Variants in ITGAX observed in about 807,000 individuals in gnomAD.
ITGAX encodes integrin alpha-X.
Under a neutral mutation model 140.2 loss-of-function variants are expected in ITGAX, and 99 were observed. The ratio of observed to expected loss-of-function variants is 0.71; its 90% CI spans 0.60 to 0.83. The LOEUF (loss-of-function observed/expected upper bound fraction) is 0.83, where lower values mean the gene tolerates loss of function less well. ITGAX is among the 40% of genes least tolerant of loss of function. The probability of loss-of-function intolerance (pLI) is 0.00; values close to 1 mark genes in which losing one functional copy is unlikely to be tolerated. For synonymous variants in ITGAX, 631 were observed against 600.4 expected (o/e 1.05, Z -0.75); for missense variants, 1,444 against 1,482.0 (o/e 0.97, Z 0.42).
At chr16:31,363,494 C>G in intron 14 of ITGAX, 120 bp downstream of exon 14, 1 of 1,134,522 alleles carries the variant, frequency 8.8e-7, no homozygotes, top group Admixed American at 2.0e-5. Context: ...CTCTGAGCAC[C>G]TTGTAGCAGT....
intron 9 of ITGAX, chr16:31,361,415 C>T: frequency 1.4e-6 from 1 of 701,924 alleles, no homozygotes. Context: ...CCAGGGATGG[C>T]CCTGCTCCCC....
chr16:31,377,356 GGTGAGA>G, intron 23 of ITGAX, 91 bp downstream of exon 23: 1 of 1,001,582 alleles, frequency 1.0e-6, no homozygotes, highest in Non-Finnish European at 1.5e-6. Flanking sequence ...TGCCACAGAG[GGTGAGA>G]TAAGGTGTTT....
rs1301657192 is a variant in ITGAX at position 31,382,533 on chromosome 16, C to T, written c.*626C>T. On this transcript the variant is annotated 3_prime_UTR_variant, in exon 30 of 30. Transcript: ENST00000268296. ...TCGCGTGAGAAGTCCCCTTCCATCC[C>T]AGAGGGTGGGCTTCAGGGCGCACAG... 3 of 1,210,372 alleles carry T rather than the reference C, an allele frequency of 2.5e-6. No homozygotes were observed. The highest frequency in any genetic ancestry group is 3.5e-6 in the Non-Finnish European group (3 of 849,522). The allele number at this position is 1,210,372 out of a possible 1,614,324, so 75.0% of individuals were successfully genotyped here.
At chr16:31,365,116 A>G (rs926565077) in intron 14 of ITGAX, among the ~76,000 whole-genome samples, 3 of 152,224 alleles carry the variant, frequency 2.0e-5, no homozygotes, top group African/African-American at 7.2e-5. Context: ...CAAACACAGA[A>G]GGCCACATGT....
intron 20 of ITGAX, 56 bp downstream of exon 20, chr16:31,373,446 G>A (rs563101471): frequency 7.8e-6 from 12 of 1,545,294 alleles, no homozygotes; most frequent in East Asian, 2.4e-5. Context: ...GTAGATTCCC[G>A]TGCGGTTCAG....
intron 29 of ITGAX, 89 bp downstream of exon 29, chr16:31,381,096 C>A: frequency 2.0e-6 from 2 of 982,810 alleles, no homozygotes; most frequent in Non-Finnish European, 3.2e-6. Flanking sequence ...AAGGCAGAGG[C>A]ACATTCTTAC....
At chr16:31,356,490 A>C in intron 2 of ITGAX, 135 bp from the exon 3 acceptor site, 3 of 622,242 alleles carry the variant, frequency 4.8e-6, no homozygotes, top group Non-Finnish European at 8.8e-6. Flanking sequence ...TCCCTTCCAC[A>C]TGGACTTTAA....
In ITGAX at chr16:31,356,149, G is replaced by T. The variant is rs1175410929; in HGVS notation, c.143+151G>T. 6.8e-6 allele frequency: 4 copies of T among 585,014 alleles called. 1 individual carries two copies. The East Asian group carries it at 1.2e-4, about 17-fold the overall frequency. 36.2% of individuals were successfully genotyped at this position (585,014 alleles called of 1,614,324 possible). On this transcript the variant is annotated intron_variant, in intron 2 of 29. Coordinates refer to ENST00000268296, the MANE Select transcript of ITGAX (RefSeq NM_000887.5). ...TAATGAAGATTTGCCTTGAAGGCAG[G>T]CACGGTCTCACAGCTAACATTTACA... is the stretch of plus-strand genomic sequence containing the variant.
In ITGAX at chr16:31,355,882, C is replaced by G. The variant is rs1325575988; in HGVS notation, c.38-11C>G. 6.2e-7 allele frequency: 1 copy of G among 1,606,234 alleles called. No homozygotes were observed. Among genetic ancestry groups the G allele is most frequent in the South Asian group, 1.1e-5 (1 of 90,758 alleles). On this transcript the variant is annotated splice_polypyrimidine_tract_variant and intron_variant, in intron 1 of 29. Coordinates refer to ENST00000268296, the MANE Select transcript of ITGAX (RefSeq NM_000887.5). ...CCCTTCTCCAAAGCTCTCTTCCCACCTCTTTCCCAGCCTTAGCAACTTCTC... is the reference window on the plus strand; with the variant it reads ...CCCTTCTCCAAAGCTCTCTTCCCACGTCTTTCCCAGCCTTAGCAACTTCTC...
intron 8 of ITGAX, 39 bp downstream of exon 8, chr16:31,360,502 C>G (rs752082291): frequency 6.4e-7 from 1 of 1,556,218 alleles, no homozygotes; most frequent in South Asian, 1.2e-5. Context: ...CCCACGGCTT[C>G]CTCTCAGGGC....
intron 19 of ITGAX, 133 bp from the exon 20 acceptor site, chr16:31,373,101 AAAGAAGAAGAAGAAG>A (rs146920512): frequency 6.3e-6 from 3 of 479,808 alleles, no homozygotes; most frequent in South Asian, 2.4e-5. Flanking sequence ...TCTTAAAAAA[AAAGAAGAAGAAGAAG>A]AAGAAGAAGA....
At chr16:31,377,545 C>T (rs1055414477) in intron 23 of ITGAX, among the ~76,000 whole-genome samples, 3 of 152,184 alleles carry the variant, frequency 2.0e-5, no homozygotes, top group Admixed American at 1.3e-4. Context: ...TGAACCCTCG[C>T]CCTTGTGGGG....
Position 31,377,006 on chromosome 16 carries a change from T to A in ITGAX, c.2632T>A (p.Phe878Ile). The change falls in exon 22 of 30, where the codon TTC becomes ATC. Residue 878 changes from phenylalanine to isoleucine, a missense_variant. By Grantham distance (21) the Phe-to-Ile change is conservative. Transcript: ENST00000268296. ...CTCAGTTCCTTTTCCTCAGATCACC[T>A]TCTTGGCTACCTTTGACGTCTCCCC... Reference protein sequence around the residue: ...LIFRGGAQITFLATFDVSPKA... With the variant: ...LIFRGGAQITILATFDVSPKA... 1 of 1,614,202 alleles carries A rather than the reference T, an allele frequency of 6.2e-7. No homozygotes were observed. The highest frequency in any genetic ancestry group is 1.1e-5 in the South Asian group (1 of 91,086).
intron 17 of ITGAX, among the ~76,000 whole-genome samples, chr16:31,372,158 G>T (rs2080971474): frequency 6.8e-6 from 1 of 147,904 alleles, no homozygotes; most frequent in African/African-American, 2.5e-5. Flanking sequence ...TTGCTGATCG[G>T]GAGGTCTGGG....
chr16:31,376,961 T>C, intron 21 of ITGAX, 39 bp from the exon 22 acceptor site: 1 of 1,613,668 alleles, frequency 6.2e-7, no homozygotes, highest in South Asian at 1.1e-5. Context: ...CCCCACCCTG[T>C]CTTTACTGCT....
chr16:31,355,347 G>T (rs2080747541), intron 1 of ITGAX, 56 bp downstream of exon 1: 2 of 1,593,202 alleles, frequency 1.3e-6, no homozygotes, highest in African/African-American at 1.3e-5. Flanking sequence ...GGGAGCCAGG[G>T]CCCTGAACTG....
Position 31,372,512 on chromosome 16 carries a change from G to T in ITGAX, c.2292+3G>T. 1 of 1,610,314 alleles carries T rather than the reference G, an allele frequency of 6.2e-7. No individual in the cohort carries two copies. Among genetic ancestry groups the T allele is most frequent in the Non-Finnish European group, 8.5e-7 (1 of 1,178,964 alleles). ...CTCAGAGATACTTCACGGCCTCCGT[G>T]AGTCCTGGCACTGGGTCTCCCAGAG... On this transcript the variant is annotated splice_donor_region_variant and intron_variant, in intron 18 of 29. Transcript: ENST00000268296.
rs778567830 is a variant in ITGAX, at chr16:31,372,393, T to A, written c.2176T>A (p.Ser726Thr). Residue 726 changes from serine (S) to threonine (T), a missense_variant, in exon 18 of 30, where the codon TCT (serine) becomes ACT (threonine). Physicochemically the swap from Ser to Thr is moderately conservative, Grantham distance 58. Transcript: ENST00000268296. ...NLLLPSCVED[S>T]VTPITLRLNF... ...CGTCCCCCAGAGCTGCGTGGAGGAC[T>A]CTGTGACCCCCATTACCTTGCGTCT... The A allele has an allele frequency of 6.2e-7, 1 of 1,606,702 alleles. No homozygotes were observed. The highest frequency in any genetic ancestry group is 2.2e-5 in the East Asian group (1 of 44,834).
At chr16:31,361,368 C>T (rs190238197) in intron 9 of ITGAX, 155 bp downstream of exon 9, 20 of 876,684 alleles carry the variant, frequency 2.3e-5, no homozygotes, top group Middle Eastern at 2.3e-4. Flanking sequence ...TCCCCACTGA[C>T]GTCCCCCAGC....
Sources: allele counts gnomAD v4.1 joint callset (sites outside exome capture counted in the v4.1 genomes callset), GRCh38; gene constraint gnomAD v4.1.1; transcripts MANE v1.5; gene names NCBI Gene and HGNC (gene_info 2026-07-23, HGNC 2026-07-21).